The following VWA8 variants were observed in gnomAD, a reference collection of about 807,000 sequenced individuals.
VWA8 encodes the protein von Willebrand factor A domain-containing protein 8.
In VWA8, 221 loss-of-function variants were observed where a neutral mutation model predicts 241.5. The observed-to-expected ratio is 0.91, with a 90% CI of 0.82 to 1.02. The LOEUF (loss-of-function observed/expected upper bound fraction) is 1.02, where lower values mean the gene tolerates loss of function less well. Ranked by LOEUF, VWA8 falls within the 50% of genes least tolerant of loss-of-function variation. The pLI is 0.00. For synonymous variants in VWA8, 852 were observed against 827.1 expected, an observed-to-expected ratio of 1.03 and a Z score of -0.52; for missense variants, 2,322 against 2,328.7, an observed-to-expected ratio of 1.00 and a Z score of 0.06.
intron 13 of VWA8, among the ~76,000 whole-genome samples, chr13:41,831,617 T>TTTG (rs1871460025): frequency 1.2e-5 from 1 of 82,598 alleles, no homozygotes; most frequent in Non-Finnish European, 3.2e-5. Context: ...GCATGAGTTT[T>TTTG]TTTTTTTTTT....
At chr13:41,864,477 C>A in intron 12 of VWA8, 1 of 349,752 alleles carries the variant, frequency 2.9e-6, no homozygotes. Context: ...TATAGACATA[C>A]AACAGAATAT....
chr13:41,928,422 A>C (rs1876948634), intron 2 of VWA8, among the ~76,000 whole-genome samples: 1 of 152,208 alleles, frequency 6.6e-6, no homozygotes, highest in African/African-American at 2.4e-5. Context: ...AATGATATGA[A>C]ACTAGAAAAC....
At chr13:41,854,885 A>T (rs1872674663) in intron 12 of VWA8, among the ~76,000 whole-genome samples, 1 of 152,196 alleles carries the variant, frequency 6.6e-6, no homozygotes, top group Non-Finnish European at 1.5e-5. Context: ...GGGGTGGTTC[A>T]GGCAGCATGA....
chr13:41,787,643 A>AGATCGGAAGAG, intron 17 of VWA8, 100 bp from the exon 18 acceptor site: 1 of 588,304 alleles, frequency 1.7e-6, no homozygotes, highest in Non-Finnish European at 2.9e-6. Flanking sequence ...CACACTCCTT[A>AGATCGGAAGAG]CTAATTACAA....
chr13:41,800,269 T>C (rs1273877841), intron 17 of VWA8, among the ~76,000 whole-genome samples: 1 of 152,252 alleles, frequency 6.6e-6, no homozygotes. Flanking sequence ...CTGTTTTTGT[T>C]TCTCTTGGAT....
At chr13:41,883,625 C>T (rs1015728424) in intron 8 of VWA8, 134 bp from the exon 9 acceptor site, 4 of 621,654 alleles carry the variant, frequency 6.4e-6, no homozygotes, top group African/African-American at 3.7e-5. Context: ...TGTAAGTCTA[C>T]AAAAGCAAAT....
At chr13:41,814,099 A>C (rs1296857152) in intron 16 of VWA8, among the ~76,000 whole-genome samples, 1 of 152,186 alleles carries the variant, frequency 6.6e-6, no homozygotes, top group Non-Finnish European at 1.5e-5. Flanking sequence ...AAAGGAGAGA[A>C]AACTCTAGGG....
chr13:41,765,040 TTTAGGAAAAGGAAC>T (rs2045769971), intron 20 of VWA8, among the ~76,000 whole-genome samples: 1 of 151,910 alleles, frequency 6.6e-6, no homozygotes, highest in Non-Finnish European at 1.5e-5. Context: ...TTAAGAGATA[TTTAGGAAAAGGAAC>T]CAACAGGACT....
At chr13:41,601,738 G>A (rs912782978) in intron 40 of VWA8, among the ~76,000 whole-genome samples, 35 of 152,110 alleles carry the variant, frequency 2.3e-4, no homozygotes, top group African/African-American at 7.2e-4. Flanking sequence ...GAAAGTCACC[G>A]GTGATAGCTA....
intron 39 of VWA8, among the ~76,000 whole-genome samples, chr13:41,607,238 T>C (rs919094008): frequency 3.9e-5 from 6 of 152,204 alleles, no homozygotes; most frequent in African/African-American, 1.2e-4. Flanking sequence ...TGCTGCTGGA[T>C]GGCACTTTGA....
intron 12 of VWA8, among the ~76,000 whole-genome samples, chr13:41,835,434 A>C (rs1871678911): frequency 6.6e-6 from 1 of 152,168 alleles, no homozygotes; most frequent in Non-Finnish European, 1.5e-5. Context: ...TTCAACTATG[A>C]ATTCTAAATT....
intron 24 of VWA8, among the ~76,000 whole-genome samples, chr13:41,721,940 C>A (rs573920800): frequency 6.6e-6 from 1 of 151,740 alleles, no homozygotes; most frequent in Admixed American, 6.6e-5. Context: ...TTTTTCCAGA[C>A]CTGTATTAGC....
intron 9 of VWA8, among the ~76,000 whole-genome samples, chr13:41,871,416 T>C (rs949845501): frequency 6.6e-6 from 1 of 152,208 alleles, no homozygotes; most frequent in Non-Finnish European, 1.5e-5. Context: ...TAACTCGTCA[T>C]CTAGCATTAG....
chr13:41,903,381 T>C (rs1875548719), intron 4 of VWA8, among the ~76,000 whole-genome samples: 1 of 152,150 alleles, frequency 6.6e-6, no homozygotes, highest in Admixed American at 6.5e-5. Flanking sequence ...GTGCCTGAGA[T>C]GAGCAAGATA....
intron 37 of VWA8, among the ~76,000 whole-genome samples, chr13:41,642,288 GGT>G (rs1358463430): frequency 6.6e-6 from 1 of 152,110 alleles, no homozygotes; most frequent in East Asian, 1.9e-4. Context: ...GGCCAGGTGC[GGT>G]GGCTCATGCC....
At chr13:41,947,880 C>T (rs1877922345) in intron 2 of VWA8, among the ~76,000 whole-genome samples, 1 of 137,270 alleles carries the variant, frequency 7.3e-6, no homozygotes, top group African/African-American at 2.7e-5. Context: ...TGCAGTGAGC[C>T]GACATTGCAC....
At chr13:41,766,307 T>C (rs971758518) in intron 20 of VWA8, among the ~76,000 whole-genome samples, 5 of 152,068 alleles carry the variant, frequency 3.3e-5, no homozygotes, top group African/African-American at 9.7e-5. Flanking sequence ...ACTCTATCCA[T>C]GTTCCATCAA....
intron 20 of VWA8, among the ~76,000 whole-genome samples, chr13:41,767,021 G>A (rs2045783810): frequency 6.6e-6 from 1 of 152,160 alleles, no homozygotes; most frequent in Non-Finnish European, 1.5e-5. Context: ...CTCTAGGTGA[G>A]TATTTGCCAC....
intron 4 of VWA8, among the ~76,000 whole-genome samples, chr13:41,900,573 TTGATA>T (rs1875376567): frequency 6.6e-6 from 1 of 152,320 alleles, no homozygotes; most frequent in Admixed American, 6.5e-5. Flanking sequence ...TGCTTCTGAT[TTGATA>T]TAAGACCTTA....
Sources: allele counts gnomAD v4.1 joint callset (sites outside exome capture counted in the v4.1 genomes callset), GRCh38; gene constraint gnomAD v4.1.1; transcripts MANE v1.5; gene names NCBI Gene and HGNC (gene_info 2026-07-23, HGNC 2026-07-21).